TBC1D8B: variants seen among roughly 807,000 people sequenced by gnomAD.
TBC1D8B encodes TBC1 domain family member 8B.
TBC1D8B carries 75 observed loss-of-function variants against 82.9 expected under a neutral mutation model. The ratio of observed to expected loss-of-function variants is 0.90; its 90% CI spans 0.75 to 1.10. The LOEUF (loss-of-function observed/expected upper bound fraction) is 1.10. Among genes scored for constraint, TBC1D8B ranks in the 50% least tolerant of loss-of-function variants. The probability of loss-of-function intolerance (pLI) is 0.00; values close to 1 mark genes in which losing one functional copy is unlikely to be tolerated. For synonymous variants in TBC1D8B, 276 were observed against 276.8 expected (o/e 1.00, Z 0.03); for missense variants, 794 against 796.9 (o/e 1.00, Z 0.04).
intron 11 of TBC1D8B, 71 bp from the exon 12 acceptor site, chrX:106,849,954 G>C: frequency 9.0e-7 from 1 of 1,114,130 alleles, no homozygotes; most frequent in South Asian, 2.4e-5. Context: ...CATGCTAATA[G>C]AAGTGGGGAG....
intron 7 of TBC1D8B, among the ~76,000 whole-genome samples, chrX:106,830,765 A>G (rs1355052366): frequency 2.3e-5 from 2 of 85,847 alleles, no homozygotes; most frequent in Non-Finnish European, 4.3e-5. Flanking sequence ...TGGACACAGG[A>G]AGGGGAACAT....
At chrX:106,805,490 G>A (rs1931160125) in intron 1 of TBC1D8B, among the ~76,000 whole-genome samples, 1 of 111,279 alleles carries the variant, frequency 9.0e-6, no homozygotes, top group Admixed American at 9.6e-5. Context: ...AGAGAAATTT[G>A]TCTGAAGAAA....
At chrX:106,863,237 G>A (rs931202303) in intron 14 of TBC1D8B, among the ~76,000 whole-genome samples, 1 of 111,711 alleles carries the variant, frequency 9.0e-6, no homozygotes, top group African/African-American at 3.3e-5. Flanking sequence ...CGATCCAGTA[G>A]GTGGCGCTTA....
intron 15 of TBC1D8B, 68 bp from the exon 16 acceptor site, chrX:106,865,725 G>C (rs1349000349): frequency 9.1e-7 from 1 of 1,099,173 alleles, no homozygotes; most frequent in Non-Finnish European, 1.2e-6. Flanking sequence ...TAGCAGACAT[G>C]GTTTTTAAAA....
Position 106,865,580 on chromosome X carries a change from G to A in TBC1D8B, c.2374G>A (p.Val792Met). 8.3e-7 allele frequency: 1 copy of A among 1,201,206 alleles called. No homozygotes were observed. Among genetic ancestry groups the A allele is most frequent in the Non-Finnish European group, 1.1e-6 (1 of 890,311 alleles). Residue 792 changes from valine to methionine, a missense_variant, in exon 15 of 21, where the codon GTG (valine) becomes ATG (methionine). Coordinates refer to ENST00000357242, the MANE Select transcript of TBC1D8B (RefSeq NM_017752.3). ...QNVLRVVSQD[V>M]KLSLQELDEL... ...AAAGTTGCGTGTTGTATCACAAGAT[G>A]TGAAATTGAGCCTTCAAGAATTGGA...
intron 1 of TBC1D8B, among the ~76,000 whole-genome samples, chrX:106,808,954 G>A (rs1454256107): frequency 9.0e-6 from 1 of 111,259 alleles, no homozygotes; most frequent in Non-Finnish European, 1.9e-5. Flanking sequence ...TTGAGCCCAG[G>A]AGTTCGAGGC....
chrX:106,853,796 T>A, intron 13 of TBC1D8B, 146 bp downstream of exon 13: 1 of 580,682 alleles, frequency 1.7e-6, no homozygotes, highest in Non-Finnish European at 2.7e-6. Context: ...AAATGAGTTC[T>A]GTGAACTGTT....
intron 10 of TBC1D8B, among the ~76,000 whole-genome samples, chrX:106,844,959 T>G (rs999273699): frequency 2.9e-4 from 32 of 111,024 alleles, no homozygotes; most frequent in Non-Finnish European, 3.8e-4. Flanking sequence ...TAGTTTGTGG[T>G]TTTTTTTAGA....
At chrX:106,846,716 C>A (rs1932462863) in intron 10 of TBC1D8B, among the ~76,000 whole-genome samples, 1 of 111,264 alleles carries the variant, frequency 9.0e-6, no homozygotes, top group Non-Finnish European at 1.9e-5. Context: ...CTAAGCTTGA[C>A]ATCAAACAGT....
At chrX:106,842,771 T>G (rs1395254689) in intron 10 of TBC1D8B, among the ~76,000 whole-genome samples, 1 of 110,876 alleles carries the variant, frequency 9.0e-6, no homozygotes, top group Non-Finnish European at 1.9e-5. Flanking sequence ...CACAAAGTTG[T>G]GCAAACCTTC....
chrX:106,824,102 C>T (rs1334094146), intron 5 of TBC1D8B, among the ~76,000 whole-genome samples: 1 of 111,528 alleles, frequency 9.0e-6, no homozygotes, highest in Non-Finnish European at 1.9e-5. Flanking sequence ...TGTCTGATAG[C>T]TGTTTGCCAT....
rs779243793 is a variant in TBC1D8B, at chrX:106,834,665, T to C, written c.1204-4643T>C. ...CAAGTTAGTTACTTCCTAGAGACAATGGGGGTACAGGCATTGGATAAATAC... is the reference window on the plus strand; with the variant it reads ...CAAGTTAGTTACTTCCTAGAGACAACGGGGGTACAGGCATTGGATAAATAC... On this transcript the variant is annotated intron_variant, in intron 7 of 20. Coordinates refer to ENST00000357242, the MANE Select transcript of TBC1D8B (RefSeq NM_017752.3). 1.5e-4 allele frequency among the ~76,000 whole-genome samples: 17 copies of C among 111,633 alleles called. No homozygotes were observed. The South Asian group carries it at 6.4e-3, about 42-fold the overall frequency.
chrX:106,864,888 C>A (rs978232216), intron 14 of TBC1D8B, among the ~76,000 whole-genome samples: 17 of 111,897 alleles, frequency 1.5e-4, no homozygotes, highest in Admixed American at 1.5e-3. Flanking sequence ...TTTGTGATTT[C>A]TTTCATCTCA....
intron 19 of TBC1D8B, 56 bp from the exon 20 acceptor site, chrX:106,870,660 T>G (rs1324290113): frequency 3.9e-6 from 3 of 759,618 alleles, no homozygotes; most frequent in East Asian, 3.4e-5. Context: ...ATTTTTGAAT[T>G]TTGGGAAAGT....
intron 13 of TBC1D8B, 50 bp downstream of exon 13, chrX:106,853,700 T>C (rs755730475): frequency 9.2e-7 from 1 of 1,089,332 alleles, no homozygotes; most frequent in South Asian, 1.9e-5. Flanking sequence ...TTAAAATGAT[T>C]GAACTATGGT....
At chrX:106,822,819 G>A (rs1463588548) in intron 4 of TBC1D8B, among the ~76,000 whole-genome samples, 9 of 103,923 alleles carry the variant, frequency 8.7e-5, no homozygotes, top group Non-Finnish European at 1.6e-4. Context: ...GCAATATAGT[G>A]AGACTCTGTC....
In TBC1D8B at chrX:106,824,204, G is replaced by A. The variant is rs764024129; in HGVS notation, c.827+738G>A. Reference sequence around the variant, plus strand: ...AAATGAGCATGCCAAAGGGGAAAAGGAGAGGAGATGATCCAGAAATAGCTA... The same window carrying A: ...AAATGAGCATGCCAAAGGGGAAAAGAAGAGGAGATGATCCAGAAATAGCTA... On this transcript the variant is annotated intron_variant, in intron 5 of 20. Coordinates refer to ENST00000357242, the MANE Select transcript of TBC1D8B (RefSeq NM_017752.3). Among the ~76,000 whole-genome samples, 6 of 111,423 alleles carry A rather than the reference G, an allele frequency of 5.4e-5. No individual in the cohort carries two copies. In the East Asian group the frequency reaches 1.4e-3, roughly 26 times the overall value.
At position 106,803,127 on chromosome X, in the gene TBC1D8B, T is replaced by G. The variant is rs1177429538; in HGVS notation, c.130+144T>G. 7.4e-6 allele frequency: 5 copies of G among 676,988 alleles called. No individual in the cohort carries two copies. In the East Asian group the frequency reaches 2.0e-4, roughly 27 times the overall value. 55.8% of individuals were successfully genotyped at this position (676,988 alleles called of 1,213,427 possible). A position where few individuals can be genotyped will look rare whatever the true frequency, so the allele number is the denominator to read the frequency against. ...TGGGGTTCTTCTCCCGACACCACCT[T>G]TCCGCCACCACCTCCAAGTCCTGAG... On this transcript the variant is annotated intron_variant, in intron 1 of 20. Coordinates refer to ENST00000357242, the MANE Select transcript of TBC1D8B (RefSeq NM_017752.3).
chrX:106,818,855 GTTGC>G lies in TBC1D8B; in HGVS notation c.241+85_241+88del, dbSNP rs748772845. On this transcript the variant is annotated intron_variant, in intron 2 of 20. Transcript: ENST00000357242. Reference sequence around the variant, plus strand: ...TATTCATATTTATTTATAGTCTGTAGTTGCTTTGAGATTTAAAAACAAATTAAAT... The same window carrying G: ...TATTCATATTTATTTATAGTCTGTAGTTTGAGATTTAAAAACAAATTAAAT... 1.3e-4 allele frequency: 97 copies of G among 734,539 alleles called. No individual in the cohort carries two copies. The African/African-American group carries it at 1.8e-3, about 13-fold the overall frequency. 60.5% of individuals were successfully genotyped at this position (734,539 alleles called of 1,213,427 possible).
Sources: gnomAD v4.1 joint callset for allele counts (sites outside exome capture counted in the v4.1 genomes callset) on GRCh38, gnomAD v4.1.1 for gene constraint, MANE v1.5 for transcripts, NCBI Gene and HGNC (gene_info 2026-07-23, HGNC 2026-07-21) for gene names.